IFT81: variants seen among roughly 807,000 people sequenced by gnomAD.
The protein encoded by IFT81 is intraflagellar transport 81.
IFT81 carries 72 observed loss-of-function variants against 102.6 expected under a neutral mutation model. The observed-to-expected ratio is 0.70, with a 90% CI of 0.58 to 0.85. The LOEUF (loss-of-function observed/expected upper bound fraction) is 0.85, where lower values mean the gene tolerates loss of function less well. Among genes scored for constraint, IFT81 ranks in the 40% least tolerant of loss-of-function variants. The pLI, the probability that IFT81 is intolerant of heterozygous loss-of-function variation, is 0.00. For synonymous variants in IFT81, 237 were observed against 242.7 expected, an observed-to-expected ratio of 0.98 and a Z score of 0.22; for missense variants, 723 against 787.3, an observed-to-expected ratio of 0.92 and a Z score of 0.98.
chr12:110,209,618 A>AACGCCTGGG (rs1869142062), intron 18 of IFT81, among the ~76,000 whole-genome samples: 1 of 151,884 alleles, frequency 6.6e-6, no homozygotes, highest in Admixed American at 6.6e-5. Flanking sequence ...AAAATACAAA[A>AACGCCTGGG]ATTAGCCAGG....
chr12:110,155,237 C>T (rs1895772641), intron 10 of IFT81, among the ~76,000 whole-genome samples: 1 of 152,076 alleles, frequency 6.6e-6, no homozygotes, highest in Non-Finnish European at 1.5e-5. Flanking sequence ...TCTATCCTTT[C>T]ACTTTCAGTT....
chr12:110,150,388 C>A (rs1418850284), intron 10 of IFT81, among the ~76,000 whole-genome samples: 1 of 152,090 alleles, frequency 6.6e-6, no homozygotes, highest in African/African-American at 2.4e-5. Context: ...TGTTTTTAGG[C>A]AGCCATTGTT....
chr12:110,178,304 C>T (rs978020507), intron 11 of IFT81, among the ~76,000 whole-genome samples: 5 of 151,376 alleles, frequency 3.3e-5, no homozygotes, highest in Non-Finnish European at 7.4e-5. Context: ...ATCCCAGCTA[C>T]TTGGGAGGCT....
intron 11 of IFT81, chr12:110,167,906 C>T (rs546404213): frequency 2.5e-5 from 6 of 244,346 alleles, no homozygotes; most frequent in African/African-American, 5.0e-5. Context: ...GGCTGGAGTG[C>T]GGTGGTGTGA....
At chr12:110,159,523 A>G (rs1280645681) in intron 10 of IFT81, among the ~76,000 whole-genome samples, 2 of 152,100 alleles carry the variant, frequency 1.3e-5, no homozygotes, top group Admixed American at 1.3e-4. Context: ...CACTTTCTAA[A>G]TTTTCCCATA....
chr12:110,218,003 G>T (rs1240333013), intron 18 of IFT81, 41 bp from the exon 19 acceptor site: 6 of 1,440,722 alleles, frequency 4.2e-6, no homozygotes, highest in Non-Finnish European at 5.7e-6. Context: ...ATAAACCCCT[G>T]TAACTGAGAT....
At chr12:110,173,527 G>A (rs1896887329) in intron 11 of IFT81, among the ~76,000 whole-genome samples, 1 of 152,250 alleles carries the variant, frequency 6.6e-6, no homozygotes, top group African/African-American at 2.4e-5. Context: ...AGAAAGCGGG[G>A]AAAGGTGGGG....
At chr12:110,130,428 G>A (rs975673104) in intron 4 of IFT81, among the ~76,000 whole-genome samples, 5 of 149,920 alleles carry the variant, frequency 3.3e-5, no homozygotes, top group Non-Finnish European at 7.4e-5. Context: ...GGAGTGCAGT[G>A]GTGCAATCTC....
intron 12 of IFT81, among the ~76,000 whole-genome samples, chr12:110,183,021 C>T (rs760974368): frequency 1.3e-5 from 2 of 152,200 alleles, no homozygotes; most frequent in Non-Finnish European, 2.9e-5. Flanking sequence ...CAACTGGGGC[C>T]TTACGTTTAA....
chr12:110,206,831 T>C (rs879882239), intron 17 of IFT81, among the ~76,000 whole-genome samples: 4 of 152,332 alleles, frequency 2.6e-5, no homozygotes, highest in Admixed American at 2.6e-4. Flanking sequence ...AATGTACTTA[T>C]TCATATTCTT....
chr12:110,139,114 T>A (rs1894689225), intron 8 of IFT81, among the ~76,000 whole-genome samples: 1 of 151,924 alleles, frequency 6.6e-6, no homozygotes, highest in Non-Finnish European at 1.5e-5. Flanking sequence ...GGCGAGCAGA[T>A]CACTTGATCC....
chr12:110,186,703 G>T (rs917941188), intron 12 of IFT81, among the ~76,000 whole-genome samples: 1 of 151,694 alleles, frequency 6.6e-6, no homozygotes, highest in Non-Finnish European at 1.5e-5. Flanking sequence ...TGTATTTTTG[G>T]TAGTTTTTTT....
chr12:110,206,259 T>C (rs1868609419), intron 17 of IFT81, among the ~76,000 whole-genome samples: 1 of 152,122 alleles, frequency 6.6e-6, no homozygotes, highest in Non-Finnish European at 1.5e-5. Flanking sequence ...GCTTAGTCCT[T>C]ATATGGTGCT....
At chr12:110,135,042 T>C (rs1894396978) in intron 6 of IFT81, 29 bp downstream of exon 6, 1 of 1,523,706 alleles carries the variant, frequency 6.6e-7, no homozygotes, top group Non-Finnish European at 9.0e-7. Context: ...TGTAAGACTT[T>C]GGCCCCAAGT....
At chr12:110,200,692 G>A (rs1428919015) in intron 14 of IFT81, among the ~76,000 whole-genome samples, 1 of 152,148 alleles carries the variant, frequency 6.6e-6, no homozygotes, top group Non-Finnish European at 1.5e-5. Flanking sequence ...GCTCACGCTT[G>A]TAATCCCAAC....
rs1230990903 is a variant in IFT81, at chr12:110,147,060, CT to C, written c.1041+16del. ...TGTATAGGCAACAGGTAAGAACATTCTTTTGGCTCACATATTTAGATCTGTA... is the reference window on the plus strand; with the variant it reads ...TGTATAGGCAACAGGTAAGAACATTCTTTGGCTCACATATTTAGATCTGTA... On this transcript the variant is annotated intron_variant, in intron 10 of 18. Coordinates refer to ENST00000242591, the MANE Select transcript of IFT81 (RefSeq NM_014055.4). 10 of 1,581,682 alleles carry C rather than the reference CT, an allele frequency of 6.3e-6. No individual in the cohort carries two copies. In the South Asian group the frequency reaches 1.0e-4, roughly 16 times the overall value.
intron 10 of IFT81, among the ~76,000 whole-genome samples, chr12:110,153,320 C>T (rs373315199): frequency 4.0e-5 from 6 of 151,826 alleles, no homozygotes; most frequent in Admixed American, 2.6e-4. Context: ...CCGCAACCTC[C>T]GCCTCCCAGG....
intron 14 of IFT81, among the ~76,000 whole-genome samples, chr12:110,200,410 T>G (rs1898207231): frequency 6.6e-6 from 1 of 152,130 alleles, no homozygotes; most frequent in Non-Finnish European, 1.5e-5. Context: ...CATCTAAACA[T>G]AGAAAAGGTA....
At chr12:110,162,163 G>A (rs1426135874) in intron 10 of IFT81, among the ~76,000 whole-genome samples, 3 of 152,054 alleles carry the variant, frequency 2.0e-5, no homozygotes, top group African/African-American at 7.2e-5. Context: ...ATTGAATTTA[G>A]TAAGATGACC....
Sources: allele counts gnomAD v4.1 joint callset (sites outside exome capture counted in the v4.1 genomes callset), GRCh38; gene constraint gnomAD v4.1.1; transcripts MANE v1.5; gene names NCBI Gene and HGNC (gene_info 2026-07-23, HGNC 2026-07-21).